CNTNAP5: variants seen among roughly 807,000 people sequenced by gnomAD.
CNTNAP5 encodes contactin-associated protein-like 5.
Under a neutral mutation model 150.2 loss-of-function variants are expected in CNTNAP5, and 72 were observed. The ratio of observed to expected loss-of-function variants is 0.48; its 90% CI spans 0.40 to 0.58. The LOEUF is 0.58. CNTNAP5 is among the 20% of genes least tolerant of loss of function. The probability of loss-of-function intolerance (pLI) is 0.00; values close to 1 mark genes in which losing one functional copy is unlikely to be tolerated. For missense variants in CNTNAP5, 1,636 were observed against 1,626.2 expected (o/e 1.01, Z -0.10); for synonymous variants, 672 against 619.8 (o/e 1.08, Z -1.25).
At chr2:124,451,077 T>TATACACAC (rs755084840) in intron 6 of CNTNAP5, among the ~76,000 whole-genome samples, 29 of 61,508 alleles carry the variant, frequency 4.7e-4, no homozygotes, top group Non-Finnish European at 6.4e-4. Context: ...TATATATATA[T>TATACACAC]ACACACACAC....
At chr2:124,598,844 T>C (rs2104970162) in intron 11 of CNTNAP5, among the ~76,000 whole-genome samples, 1 of 152,328 alleles carries the variant, frequency 6.6e-6, no homozygotes, top group East Asian at 1.9e-4. Flanking sequence ...TATAGTCTTG[T>C]GGTGCGCCGT....
At chr2:124,856,947 C>T (rs572260981) in intron 19 of CNTNAP5, among the ~76,000 whole-genome samples, 15 of 152,174 alleles carry the variant, frequency 9.9e-5, no homozygotes, top group Non-Finnish European at 1.9e-4. Context: ...GTCAAACCTG[C>T]AGGGAGGCAC....
intron 18 of CNTNAP5, among the ~76,000 whole-genome samples, chr2:124,792,242 C>T (rs1340498263): frequency 1.3e-5 from 2 of 151,942 alleles, no homozygotes; most frequent in Non-Finnish European, 2.9e-5. Flanking sequence ...CATAATGATA[C>T]GAAGAAGCAA....
chr2:124,788,484 T>C (rs759707258), intron 17 of CNTNAP5, among the ~76,000 whole-genome samples: 3 of 152,194 alleles, frequency 2.0e-5, no homozygotes, highest in Non-Finnish European at 4.4e-5. Context: ...AGCACATATA[T>C]ATTAAGTAAC....
At chr2:124,157,576 CT>C (rs1684575651) in intron 1 of CNTNAP5, among the ~76,000 whole-genome samples, 1 of 151,942 alleles carries the variant, frequency 6.6e-6, no homozygotes, top group Admixed American at 6.6e-5. Context: ...TATAATAATT[CT>C]TTTTAGAAGA....
intron 16 of CNTNAP5, among the ~76,000 whole-genome samples, chr2:124,770,926 AT>A (rs1291150649): frequency 1.3e-5 from 2 of 152,214 alleles, no homozygotes; most frequent in African/African-American, 2.4e-5. Flanking sequence ...AAATTAAGGC[AT>A]GGTGACATTG....
At chr2:124,759,717 CTTTA>C (rs1161112821) in intron 14 of CNTNAP5, among the ~76,000 whole-genome samples, 2 of 151,812 alleles carry the variant, frequency 1.3e-5, no homozygotes, top group Non-Finnish European at 2.9e-5. Flanking sequence ...TAAATACATA[CTTTA>C]TTTGCCTTCA....
rs982018617 is a variant in CNTNAP5, at chr2:124,918,122, G to A, written c.*3834G>A. ...TCTCTACATTCTTGTTTCGGGTCAG[G>A]TTGGGGGATTCCAAAAGTCTTGCCT... On this transcript the variant is annotated 3_prime_UTR_variant, in exon 24 of 24. Coordinates refer to ENST00000682447, the MANE Select transcript of CNTNAP5 (RefSeq NM_001367498.1). Among the ~76,000 whole-genome samples the A allele has an allele frequency of 1.3e-5, 2 of 152,032 alleles. No individual in the cohort carries two copies. Among genetic ancestry groups the A allele is most frequent in the Non-Finnish European group, 2.9e-5 (2 of 67,986 alleles).
At chr2:124,599,416 C>T (rs1374990651) in intron 11 of CNTNAP5, among the ~76,000 whole-genome samples, 1 of 151,762 alleles carries the variant, frequency 6.6e-6, no homozygotes, top group Non-Finnish European at 1.5e-5. Flanking sequence ...ATTAAACATT[C>T]CCTTGGCCAT....
At chr2:124,158,799 C>T (rs1293352588) in intron 1 of CNTNAP5, among the ~76,000 whole-genome samples, 1 of 152,202 alleles carries the variant, frequency 6.6e-6, no homozygotes, top group Non-Finnish European at 1.5e-5. Context: ...CAAGACATCT[C>T]ACTAGGGTGA....
rs149378232 is a variant in CNTNAP5, at chr2:124,605,506, T to C, written c.1757-4295T>C. 2.8e-3 allele frequency among the ~76,000 whole-genome samples: 427 copies of C among 152,310 alleles called. 2 individuals carry two copies. Among genetic ancestry groups the C allele is most frequent in the African/African-American group, 9.7e-3 (404 of 41,574 alleles). On this transcript the variant is annotated intron_variant, in intron 11 of 23. Coordinates refer to ENST00000682447, the MANE Select transcript of CNTNAP5 (RefSeq NM_001367498.1). ...TGGTTAAATTATCTTGTTTTCATTT[T>C]CTTTCAATGTTTAAGAACTATTATT...
At chr2:124,751,447 G>A (rs879461709) in intron 14 of CNTNAP5, among the ~76,000 whole-genome samples, 10 of 152,118 alleles carry the variant, frequency 6.6e-5, no homozygotes, top group Non-Finnish European at 1.5e-4. Flanking sequence ...CATACAATAA[G>A]TATTCACACA....
At chr2:124,162,401 AG>A (rs1170654446) in intron 1 of CNTNAP5, among the ~76,000 whole-genome samples, 1 of 152,180 alleles carries the variant, frequency 6.6e-6, no homozygotes, top group African/African-American at 2.4e-5. Context: ...AGACAAAAAG[AG>A]GTTCAGTTAC....
chr2:124,163,114 A>G (rs1472823065), intron 1 of CNTNAP5, among the ~76,000 whole-genome samples: 1 of 152,164 alleles, frequency 6.6e-6, no homozygotes, highest in South Asian at 2.1e-4. Flanking sequence ...TTGGGAACCA[A>G]CTACAGGGCA....
chr2:124,150,174 A>G (rs995399528), intron 1 of CNTNAP5, among the ~76,000 whole-genome samples: 1 of 152,230 alleles, frequency 6.6e-6, no homozygotes, highest in African/African-American at 2.4e-5. Context: ...GAACAGCACC[A>G]GAAAGTATTC....
chr2:124,894,251 T>A (rs550661292), intron 21 of CNTNAP5, among the ~76,000 whole-genome samples: 1 of 147,692 alleles, frequency 6.8e-6, no homozygotes, highest in South Asian at 2.1e-4. Context: ...GGCTTTTACA[T>A]TTTTTTGGTG....
chr2:124,474,817 C>A lies in CNTNAP5; in HGVS notation c.997C>A (p.Leu333Ile). 7 of 1,607,716 alleles carry A rather than the reference C, an allele frequency of 4.4e-6. No individual in the cohort carries two copies. The highest frequency in any genetic ancestry group is 1.1e-5 in the South Asian group (1 of 90,064). The stretch of plus-strand genomic sequence containing the variant: ...AAACTTCCATGGATGCATCGAAAAC[C>A]TTTACTACAATGGAGTAAACATAAT... The part of the protein sequence containing the change: ...KKNFHGCIEN[L>I]YYNGVNIIDL... Residue 333 changes from leucine to isoleucine, a missense_variant, in exon 7 of 24, where the codon CTT becomes ATT. By Grantham distance (5) the Leu-to-Ile change is conservative (BLOSUM62 2). Coordinates refer to ENST00000682447, the MANE Select transcript of CNTNAP5 (RefSeq NM_001367498.1).
intron 2 of CNTNAP5, among the ~76,000 whole-genome samples, chr2:124,233,620 A>G (rs781250228): frequency 1.3e-5 from 2 of 152,068 alleles, no homozygotes; most frequent in African/African-American, 4.8e-5. Context: ...AACCATGTCT[A>G]TAAATCTTCA....
chr2:124,188,275 T>A (rs2104690371), intron 1 of CNTNAP5, among the ~76,000 whole-genome samples: 1 of 152,318 alleles, frequency 6.6e-6, no homozygotes, highest in East Asian at 1.9e-4. Flanking sequence ...GTAACAAGGT[T>A]TATGAATCAG....
Sources: allele counts gnomAD v4.1 joint callset (sites outside exome capture counted in the v4.1 genomes callset), GRCh38; gene constraint gnomAD v4.1.1; transcripts MANE v1.5; gene names NCBI Gene and HGNC (gene_info 2026-07-23, HGNC 2026-07-21).